The following MALRD1 variants were observed in gnomAD, a reference collection of about 807,000 sequenced individuals.
The protein encoded by MALRD1 is MAM and LDL-receptor class A domain-containing protein 1.
MALRD1 carries 247 observed loss-of-function variants against 242.1 expected under a neutral mutation model. The ratio of observed to expected loss-of-function variants is 1.02; its 90% CI spans 0.92 to 1.13. The LOEUF is 1.13. Among genes scored for constraint, MALRD1 ranks in the 50% most tolerant of loss-of-function variants. The probability of loss-of-function intolerance (pLI) is 0.00; values close to 1 mark genes in which losing one functional copy is unlikely to be tolerated. For synonymous variants in MALRD1, 995 were observed against 866.6 expected (o/e 1.15, Z -2.60); for missense variants, 2,989 against 2,533.1 (o/e 1.18, Z -3.86).
At chr10:19,339,131 T>C (rs1843729206) in intron 24 of MALRD1, among the ~76,000 whole-genome samples, 1 of 151,996 alleles carries the variant, frequency 6.6e-6, no homozygotes, top group Non-Finnish European at 1.5e-5. Flanking sequence ...AGTCTGCAGC[T>C]CTACACTTAG....
At chr10:19,554,604 T>C (rs1835633455) in intron 32 of MALRD1, among the ~76,000 whole-genome samples, 1 of 152,158 alleles carries the variant, frequency 6.6e-6, no homozygotes, top group Non-Finnish European at 1.5e-5. Context: ...CCATGTGTTC[T>C]CATTGTTCAG....
At chr10:19,187,930 C>T (rs958470849) in intron 14 of MALRD1, among the ~76,000 whole-genome samples, 2 of 152,146 alleles carry the variant, frequency 1.3e-5, no homozygotes, top group African/African-American at 4.8e-5. Context: ...CAAATATGCA[C>T]ATGTATTCAC....
intron 39 of MALRD1, among the ~76,000 whole-genome samples, chr10:19,731,652 A>T (rs934261991): frequency 3.3e-5 from 5 of 152,124 alleles, no homozygotes; most frequent in African/African-American, 1.2e-4. Context: ...TCAATATCTC[A>T]TTCCTTTCTT....
At chr10:19,564,997 C>T (rs771574838) in intron 32 of MALRD1, among the ~76,000 whole-genome samples, 19 of 152,004 alleles carry the variant, frequency 1.2e-4, no homozygotes, top group African/African-American at 2.2e-4. Context: ...AAACACTTGA[C>T]GTAACATGTA....
At chr10:19,180,041 A>G (rs556248508) in intron 14 of MALRD1, among the ~76,000 whole-genome samples, 6 of 152,352 alleles carry the variant, frequency 3.9e-5, no homozygotes, top group African/African-American at 1.4e-4. Context: ...TATTTTAATA[A>G]CTGTACTATT....
intron 28 of MALRD1, among the ~76,000 whole-genome samples, chr10:19,424,044 A>G (rs1833813925): frequency 6.6e-6 from 1 of 152,116 alleles, no homozygotes; most frequent in African/African-American, 2.4e-5. Context: ...AGAAAAAAAG[A>G]CTCAATTTGT....
At chr10:19,457,652 C>A (rs1177404336) in intron 29 of MALRD1, among the ~76,000 whole-genome samples, 1 of 150,962 alleles carries the variant, frequency 6.6e-6, no homozygotes, top group Non-Finnish European at 1.5e-5. Context: ...CTAGCACATT[C>A]TGAGTTTCTT....
intron 36 of MALRD1, among the ~76,000 whole-genome samples, chr10:19,670,093 A>AACACACAC (rs763927834): frequency 8.7e-6 from 1 of 115,112 alleles, no homozygotes; most frequent in Non-Finnish European, 1.9e-5. Flanking sequence ...CACACACACA[A>AACACACAC]ACACACACAC....
At chr10:19,254,640 T>G (rs1839426668) in intron 18 of MALRD1, among the ~76,000 whole-genome samples, 1 of 151,994 alleles carries the variant, frequency 6.6e-6, no homozygotes, top group Non-Finnish European at 1.5e-5. Context: ...AAACTAAAAT[T>G]TCTGCCTCAG....
At chr10:19,133,435 A>G (rs1477101462) in intron 8 of MALRD1, among the ~76,000 whole-genome samples, 3 of 152,220 alleles carry the variant, frequency 2.0e-5, no homozygotes, top group African/African-American at 7.2e-5. Flanking sequence ...TGCATCTGAC[A>G]ACATTTTTAA....
chr10:19,355,224 C>T (rs1425788746), intron 26 of MALRD1, among the ~76,000 whole-genome samples: 2 of 151,842 alleles, frequency 1.3e-5, no homozygotes, highest in Non-Finnish European at 2.9e-5. Flanking sequence ...GAGGTGGGCA[C>T]CTTATGTAGC....
intron 38 of MALRD1, among the ~76,000 whole-genome samples, chr10:19,724,546 G>GT (rs1295592914): frequency 6.6e-6 from 1 of 152,064 alleles, no homozygotes; most frequent in Non-Finnish European, 1.5e-5. Context: ...CCAGATAAAG[G>GT]TTTATTCACT....
intron 18 of MALRD1, among the ~76,000 whole-genome samples, chr10:19,253,843 G>A (rs150565341): frequency 5.6e-4 from 85 of 152,020 alleles, no homozygotes; most frequent in African/African-American, 1.9e-3. Flanking sequence ...GTTTGGCTCT[G>A]TGTCCTCACC....
intron 24 of MALRD1, among the ~76,000 whole-genome samples, chr10:19,340,126 C>G (rs1931882): frequency 0.78 from 117,949 of 152,020 alleles, 46,182 homozygotes; most frequent in African/African-American, 0.87. Flanking sequence ...CATTTGGGTA[C>G]GGACAAAGAG....
chr10:19,176,678 G>A (rs1016887198), intron 14 of MALRD1, among the ~76,000 whole-genome samples: 3 of 152,136 alleles, frequency 2.0e-5, no homozygotes, highest in East Asian at 1.9e-4. Context: ...CCGGCCCTGG[G>A]TGCTAATTTA....
At chr10:19,122,118 G>C (rs1440464359) in intron 5 of MALRD1, among the ~76,000 whole-genome samples, 1 of 152,196 alleles carries the variant, frequency 6.6e-6, no homozygotes, top group African/African-American at 2.4e-5. Context: ...AGAAGTATGA[G>C]CATGGCCAGG....
At chr10:19,593,236 G>A (rs3908909) in intron 33 of MALRD1, among the ~76,000 whole-genome samples, 77,540 of 151,902 alleles carry the variant, frequency 0.51, 19,886 homozygotes, top group Non-Finnish European at 0.53. Context: ...ACATGATAGC[G>A]ATGTCTCCAA....
intron 28 of MALRD1, among the ~76,000 whole-genome samples, chr10:19,417,083 C>T (rs1476117946): frequency 6.6e-6 from 1 of 152,176 alleles, no homozygotes; most frequent in Non-Finnish European, 1.5e-5. Flanking sequence ...TGGTTTTCCT[C>T]CCACTTTCCC....
chr10:19,607,479 T>A (rs1838692946), intron 34 of MALRD1, among the ~76,000 whole-genome samples: 1 of 152,136 alleles, frequency 6.6e-6, no homozygotes, highest in Admixed American at 6.6e-5. Flanking sequence ...TATCTGTAAA[T>A]ACAGTCCTGT....
Sources: gnomAD v4.1 joint callset for allele counts (sites outside exome capture counted in the v4.1 genomes callset) on GRCh38, gnomAD v4.1.1 for gene constraint, MANE v1.5 for transcripts, NCBI Gene and HGNC (gene_info 2026-07-23, HGNC 2026-07-21) for gene names.